Variants in HIVEP1 observed in about 807,000 individuals in gnomAD.
The protein encoded by HIVEP1 is zinc finger protein 40.
Under a neutral mutation model 180.0 loss-of-function variants are expected in HIVEP1, and 36 were observed. The ratio of observed to expected loss-of-function variants is 0.20; its 90% CI spans 0.15 to 0.26. HIVEP1 has a LOEUF of 0.26. Among genes scored for constraint, HIVEP1 ranks in the 10% least tolerant of loss-of-function variants. The pLI is 1.00. For synonymous variants in HIVEP1, 1,239 were observed against 1,239.0 expected, an observed-to-expected ratio of 1.00 and a Z score of 0.00; for missense variants, 3,143 against 3,268.7, an observed-to-expected ratio of 0.96 and a Z score of 0.94.
At chr6:12,055,039 G>C (rs1036687886) in intron 2 of HIVEP1, among the ~76,000 whole-genome samples, 3 of 152,190 alleles carry the variant, frequency 2.0e-5, no homozygotes, top group African/African-American at 7.2e-5. Context: ...CTCTTGTAGA[G>C]TTTACTGCCT....
the HIVEP1 span, among the ~76,000 whole-genome samples, chr6:12,185,429 C>A: frequency 6.6e-6 from 1 of 152,174 alleles, no homozygotes. Flanking sequence ...TCCATGATTT[C>A]TGGCAGAGAA....
chr6:12,042,073 T>A (rs1211630603), intron 2 of HIVEP1, among the ~76,000 whole-genome samples: 1 of 118,778 alleles, frequency 8.4e-6, no homozygotes, highest in African/African-American at 3.7e-5. Flanking sequence ...ATTCGTACGC[T>A]TTTTTTTTTT....
the HIVEP1 span, among the ~76,000 whole-genome samples, chr6:12,207,201 T>C: frequency 3.3e-5 from 5 of 152,216 alleles, no homozygotes; most frequent in Non-Finnish European, 7.3e-5. Context: ...CGTTGCATAG[T>C]TTCATTTCAG....
chr6:12,122,870 G>A lies in HIVEP1; in HGVS notation c.3075G>A (p.Thr1025=), dbSNP rs567891397. The stretch of plus-strand genomic sequence containing the variant: ...GGTCCTCCGGCATCTGGGAACAGAC[G>A]CCCCAGATAAGAAAAAGGAGGAAAA... ...VAGSSGIWEQ[T]PQIRKRRKMK... The change falls in exon 4 of 9, where the codon ACG becomes ACA. Residue 1025 remains threonine, a synonymous_variant. Transcript: ENST00000379388. 19 of 1,614,070 alleles carry A rather than the reference G, an allele frequency of 1.2e-5. No individual in the cohort carries two copies. The East Asian group carries it at 1.6e-4, about 13-fold the overall frequency.
Position 12,161,642 on chromosome 6 carries a change from G to T in HIVEP1, c.6691G>T (p.Asp2231Tyr). ...TCAGGACCCTGTGAGTACTGACGAG[G>T]ATGTCAGGATCACCGATTGCTTTTC... ...SLQDPVSTDE[D>Y]VRITDCFSGV... The change falls in exon 8 of 9, where the codon GAT becomes TAT. Residue 2231 changes from aspartate to tyrosine, a missense_variant. By Grantham distance (160) the Asp-to-Tyr change is radical. Around this residue, in one of 12 missense-constraint regions of HIVEP1, gnomAD observed 595 missense variants for 602.2 expected, o/e 0.99. Coordinates refer to ENST00000379388, the MANE Select transcript of HIVEP1 (RefSeq NM_002114.4). The T allele has an allele frequency of 5.0e-6, 8 of 1,614,098 alleles. No individual in the cohort carries two copies. Among genetic ancestry groups the T allele is most frequent in the Non-Finnish European group, 6.8e-6 (8 of 1,180,006 alleles).
intron 2 of HIVEP1, chr6:12,037,999 G>C (rs1338983684): frequency 7.9e-6 from 3 of 379,122 alleles, no homozygotes; most frequent in African/African-American, 4.2e-5. Flanking sequence ...ACAGGCATGA[G>C]CCACCGCACC....
Position 12,124,273 on chromosome 6 carries a change from C to G in HIVEP1, c.4478C>G (p.Ala1493Gly). ...HSQTQVKDLQAETSNSSSTNV... is the reference protein window; with the variant it reads ...HSQTQVKDLQGETSNSSSTNV... Reference sequence around the variant, plus strand: ...CAGACTCAGGTTAAGGATCTGCAGGCAGAAACATCAAACTCCAGCTCTACC... The same window carrying G: ...CAGACTCAGGTTAAGGATCTGCAGGGAGAAACATCAAACTCCAGCTCTACC... Residue 1493 changes from alanine to glycine, a missense_variant, in exon 4 of 9, where the codon GCA becomes GGA. This residue lies in a region of HIVEP1 where 1,357 missense variants were observed against 1,260.5 expected (regional missense o/e 1.08). Coordinates refer to ENST00000379388, the MANE Select transcript of HIVEP1 (RefSeq NM_002114.4). 1.2e-6 allele frequency: 2 copies of G among 1,614,100 alleles called. No individual in the cohort carries two copies. The highest frequency in any genetic ancestry group is 1.7e-6 in the Non-Finnish European group (2 of 1,180,002).
At chr6:12,130,186 G>T (rs969642628) in intron 5 of HIVEP1, among the ~76,000 whole-genome samples, 1 of 152,196 alleles carries the variant, frequency 6.6e-6, no homozygotes, top group Admixed American at 6.5e-5. Context: ...ATGACCTAGA[G>T]AATCTGCTCT....
intron 2 of HIVEP1, among the ~76,000 whole-genome samples, chr6:12,078,605 TAAA>T (rs70981660): frequency 7.4e-6 from 1 of 134,336 alleles, no homozygotes. Context: ...GAGTCCTCCT[TAAA>T]AAAAAAAAAA....
At chr6:12,153,145 T>G (rs1759806925) in intron 7 of HIVEP1, among the ~76,000 whole-genome samples, 1 of 152,244 alleles carries the variant, frequency 6.6e-6, no homozygotes, top group Non-Finnish European at 1.5e-5. Flanking sequence ...TTTTATATAT[T>G]CTGTTACTTG....
rs748891637 is a variant in HIVEP1, at chr6:12,124,850, T to A, written c.5055T>A (p.Ser1685=). 1.2e-5 allele frequency: 20 copies of A among 1,614,136 alleles called. No individual in the cohort carries two copies. The highest frequency in any genetic ancestry group is 1.7e-5 in the Admixed American group (1 of 60,004). The change falls in exon 4 of 9, where the codon TCT becomes TCA. Residue 1685 remains serine, a synonymous_variant. Coordinates refer to ENST00000379388, the MANE Select transcript of HIVEP1 (RefSeq NM_002114.4). Reference sequence around the variant, plus strand: ...TGCCAATCAGTGAAGAACAAAATTCTGTGCCAACATTACAAAAAGGTCATC... The same window carrying A: ...TGCCAATCAGTGAAGAACAAAATTCAGTGCCAACATTACAAAAAGGTCATC... ...SVVPISEEQN[S]VPTLQKGHQN... is the part of the protein sequence containing the mutation.
chr6:12,175,268 AT>A, the HIVEP1 span, among the ~76,000 whole-genome samples: 1 of 152,126 alleles, frequency 6.6e-6, no homozygotes, highest in Admixed American at 6.5e-5. Context: ...CATTAGCTTA[AT>A]TTTTTTAAGT....
At chr6:12,071,889 T>G (rs1726892971) in intron 2 of HIVEP1, among the ~76,000 whole-genome samples, 1 of 152,076 alleles carries the variant, frequency 6.6e-6, no homozygotes, top group African/African-American at 2.4e-5. Flanking sequence ...CTGTAAATGC[T>G]TTAATTCATT....
chr6:12,162,554 C>G (rs978122365), intron 8 of HIVEP1, among the ~76,000 whole-genome samples: 6 of 152,226 alleles, frequency 3.9e-5, no homozygotes, highest in African/African-American at 1.4e-4. Context: ...AGTCCCTGCT[C>G]TACCTCTGGC....
At chr6:12,146,153 A>C (rs1024395319) in intron 7 of HIVEP1, among the ~76,000 whole-genome samples, 2 of 152,220 alleles carry the variant, frequency 1.3e-5, no homozygotes, top group African/African-American at 4.8e-5. Flanking sequence ...TTCGAATTAG[A>C]TATAGTCGGC....
rs138503225 is a variant in HIVEP1 at position 12,136,424 on chromosome 6, C to G, written c.6487+532C>G. On this transcript the variant is annotated intron_variant, in intron 7 of 8. Coordinates refer to ENST00000379388, the MANE Select transcript of HIVEP1 (RefSeq NM_002114.4). ...AGCCAAGTCCACTGCTGTCATGAAG[C>G]CTTCTCTGATTTTCCTTTTCCACAC... 9.8e-5 allele frequency among the ~76,000 whole-genome samples: 15 copies of G among 152,328 alleles called. No individual in the cohort carries two copies. In the East Asian group the frequency reaches 1.7e-3, roughly 18 times the overall value.
chr6:12,191,465 G>A, the HIVEP1 span, among the ~76,000 whole-genome samples: 1 of 151,998 alleles, frequency 6.6e-6, no homozygotes, highest in African/African-American at 2.4e-5. Flanking sequence ...GTCGTGGTGT[G>A]TGCCTGTAGT....
intron 3 of HIVEP1, among the ~76,000 whole-genome samples, chr6:12,090,174 G>C (rs1773378285): frequency 6.6e-6 from 1 of 152,164 alleles, no homozygotes; most frequent in Admixed American, 6.6e-5. Context: ...AACACTATCT[G>C]TTAATGAGCA....
At chr6:12,148,204 T>C (rs1943872322) in intron 7 of HIVEP1, among the ~76,000 whole-genome samples, 1 of 152,208 alleles carries the variant, frequency 6.6e-6, no homozygotes, top group Non-Finnish European at 1.5e-5. Context: ...AGTTTTGAAG[T>C]GGACAGCCCA....
Sources: allele counts gnomAD v4.1 joint callset (sites outside exome capture counted in the v4.1 genomes callset), GRCh38; gene constraint gnomAD v4.1.1; regional missense constraint gnomAD v4.1.1; transcripts MANE v1.5; gene names NCBI Gene and HGNC (gene_info 2026-07-23, HGNC 2026-07-21).